The following ATL2 variants were observed in gnomAD, a reference collection of about 807,000 sequenced individuals.
ATL2 encodes the protein atlastin-2.
In ATL2, 31 loss-of-function variants were observed where a neutral mutation model predicts 73.9. The ratio of observed to expected loss-of-function variants is 0.42; its 90% CI spans 0.32 to 0.57. The LOEUF (loss-of-function observed/expected upper bound fraction) is 0.57. Among genes scored for constraint, ATL2 ranks in the 20% least tolerant of loss-of-function variants. The pLI is 0.14. For synonymous variants in ATL2, 291 were observed against 237.5 expected (o/e 1.23, Z -2.07); for missense variants, 738 against 702.6 (o/e 1.05, Z -0.57).
intron 9 of ATL2, among the ~76,000 whole-genome samples, chr2:38,300,930 T>C (rs768027284): frequency 2.0e-5 from 3 of 150,660 alleles, no homozygotes; most frequent in African/African-American, 4.9e-5. Flanking sequence ...AAGGAAAAGA[T>C]AAGAGTTTGT....
rs1020673335 is a variant in ATL2, at chr2:38,318,392, G to A, written c.603+143C>T. ...TACTCGGGTTAGGAGAATGAACCCAGGAGGCAGAGGTTGCAGTGAGCCGAG... is the reference window on the plus strand; with the variant it reads ...TACTCGGGTTAGGAGAATGAACCCAAGAGGCAGAGGTTGCAGTGAGCCGAG... On this transcript the variant is annotated intron_variant, in intron 4 of 12. Transcript: ENST00000378954. 11 of 496,402 alleles carry A rather than the reference G, an allele frequency of 2.2e-5. No homozygotes were observed. In the South Asian group the frequency reaches 2.7e-4, roughly 12 times the overall value. The allele number at this position is 496,402 out of a possible 1,614,324, so 30.7% of individuals were successfully genotyped here. A position where few individuals can be genotyped will look rare whatever the true frequency, so the allele number is the denominator to read the frequency against.
At chr2:38,328,743 A>G (rs76517298) in intron 2 of ATL2, among the ~76,000 whole-genome samples, 4 of 152,290 alleles carry the variant, frequency 2.6e-5, no homozygotes, top group African/African-American at 9.6e-5. Context: ...TCTAAAACCA[A>G]TACTCTAAGC....
chr2:38,320,428 G>A (rs566265468), intron 2 of ATL2, among the ~76,000 whole-genome samples: 52 of 152,246 alleles, frequency 3.4e-4, no homozygotes, highest in Non-Finnish European at 7.4e-4. Flanking sequence ...CCAGCAAAAT[G>A]TTGACAAATA....
At chr2:38,348,976 C>A (rs1670183764) in intron 1 of ATL2, among the ~76,000 whole-genome samples, 1 of 151,948 alleles carries the variant, frequency 6.6e-6, no homozygotes, top group Non-Finnish European at 1.5e-5. Flanking sequence ...CAATGAGATA[C>A]CATCTCACAC....
At chr2:38,299,160 A>C in intron 11 of ATL2, 96 bp downstream of exon 11, 26 of 1,157,526 alleles carry the variant, frequency 2.2e-5, no homozygotes, top group Admixed American at 3.6e-5. Flanking sequence ...AAGCTGCACA[A>C]ATTCGCTCAA....
In ATL2 at chr2:38,315,293, T is replaced by C. The variant is rs772718758; in HGVS notation, c.645A>G (p.Gln215=). ...LSQNIQEDDL[Q]HLQLFTEYGR... ...AAAAAGAAATACGTACTTGCAAATG[T>C]TGAAGATCATCTTCTTGAATATTCT... Residue 215 remains glutamine (Q), a synonymous_variant, in exon 5 of 13, where the codon CAA becomes CAG. Coordinates refer to ENST00000378954, the MANE Select transcript of ATL2 (RefSeq NM_001135673.4). 24 of 1,490,572 alleles carry C rather than the reference T, an allele frequency of 1.6e-5. No homozygotes were observed. Among genetic ancestry groups the C allele is most frequent in the African/African-American group, 5.9e-5 (4 of 67,532 alleles). The allele number at this position is 1,490,572 out of a possible 1,614,324, so 92.3% of individuals were successfully genotyped here. A position where few individuals can be genotyped will look rare whatever the true frequency, so the allele number is the denominator to read the frequency against.
intron 1 of ATL2, among the ~76,000 whole-genome samples, chr2:38,351,219 A>G (rs1020175208): frequency 3.3e-5 from 5 of 152,176 alleles, no homozygotes; most frequent in Admixed American, 3.3e-4. Flanking sequence ...CTCAACATTT[A>G]TATTTCATAC....
intron 2 of ATL2, among the ~76,000 whole-genome samples, chr2:38,343,064 C>G (rs980177241): frequency 7.3e-6 from 1 of 136,470 alleles, no homozygotes; most frequent in Non-Finnish European, 1.5e-5. Flanking sequence ...GGGAGGATTG[C>G]TTGAGATTGG....
chr2:38,368,286 CTT>C (rs1395163198), intron 1 of ATL2, among the ~76,000 whole-genome samples: 1 of 145,096 alleles, frequency 6.9e-6, no homozygotes, highest in Non-Finnish European at 1.5e-5. Flanking sequence ...GAGTTTCACT[CTT>C]GTTGCCCAGG....
At chr2:38,359,079 C>T (rs1030183332) in intron 1 of ATL2, among the ~76,000 whole-genome samples, 4 of 152,072 alleles carry the variant, frequency 2.6e-5, no homozygotes, top group East Asian at 1.9e-4. Context: ...CTCCAGGAAA[C>T]GACTTATTAA....
At chr2:38,334,894 A>G (rs1316019715) in intron 2 of ATL2, among the ~76,000 whole-genome samples, 1 of 115,710 alleles carries the variant, frequency 8.6e-6, no homozygotes, top group Non-Finnish European at 1.7e-5. Flanking sequence ...AATATATAAT[A>G]TATATTATTT....
At chr2:38,331,730 C>T (rs1669008451) in intron 2 of ATL2, among the ~76,000 whole-genome samples, 1 of 151,442 alleles carries the variant, frequency 6.6e-6, no homozygotes, top group Admixed American at 6.6e-5. Context: ...CAAGAGCATT[C>T]AATAGTGGAA....
intron 1 of ATL2, among the ~76,000 whole-genome samples, chr2:38,364,968 C>T (rs189489711): frequency 1.1e-4 from 17 of 151,780 alleles, no homozygotes; most frequent in African/African-American, 3.9e-4. Flanking sequence ...GGCGTGAACC[C>T]GGGAGGCGGA....
rs191403928 is a variant in ATL2 at position 38,355,831 on chromosome 2, T to C, written c.119-12319A>G. 2.0e-3 allele frequency among the ~76,000 whole-genome samples: 297 copies of C among 151,578 alleles called. 1 individual carries two copies. Among genetic ancestry groups the C allele is most frequent in the Non-Finnish European group, 3.3e-3 (226 of 67,824 alleles). On this transcript the variant is annotated intron_variant, in intron 1 of 12. Coordinates refer to ENST00000378954, the MANE Select transcript of ATL2 (RefSeq NM_001135673.4). ...TCTCCTGCCTCAGCCTCCTGAGTAGTTGGGATTACAGGCACGCACCACCAC... is the reference window on the plus strand; with the variant it reads ...TCTCCTGCCTCAGCCTCCTGAGTAGCTGGGATTACAGGCACGCACCACCAC...
chr2:38,336,270 C>T (rs535429420), intron 2 of ATL2, among the ~76,000 whole-genome samples: 1 of 152,116 alleles, frequency 6.6e-6, no homozygotes, highest in Non-Finnish European at 1.5e-5. Context: ...TGTAGCAGTG[C>T]GTATGATTCT....
intron 9 of ATL2, among the ~76,000 whole-genome samples, chr2:38,306,101 G>A (rs1220721868): frequency 1.3e-5 from 2 of 152,096 alleles, no homozygotes; most frequent in Non-Finnish European, 2.9e-5. Context: ...GATCATTAGA[G>A]GCTACCATGA....
rs531419325 is a variant in ATL2, at chr2:38,376,101, C to A, written c.118+1042G>T. On this transcript the variant is annotated intron_variant, in intron 1 of 12. Transcript: ENST00000378954. ...TCTGTATTTAATAATAAACTCTTAT[C>A]TTGGCCGTACTTACCAAATCGTAGG... 19 of 1,479,184 alleles carry A rather than the reference C, an allele frequency of 1.3e-5. No homozygotes were observed. In the African/African-American group the frequency reaches 2.0e-4, roughly 15 times the overall value. The allele number at this position is 1,479,184 out of a possible 1,614,324, so 91.6% of individuals were successfully genotyped here. A position where few individuals can be genotyped will look rare whatever the true frequency, so the allele number is the denominator to read the frequency against.
chr2:38,343,523 A>C lies in ATL2; in HGVS notation c.119-11T>G, dbSNP rs759170271. The C allele has an allele frequency of 1.3e-6, 2 of 1,598,740 alleles. No individual in the cohort carries two copies. Among genetic ancestry groups the C allele is most frequent in the South Asian group, 2.3e-5 (2 of 88,482 alleles). ...CTTCATAATTCTCACCTAGAATTTA[A>C]AAAGAAAGAAACTGGTTACTTTAAT... On this transcript the variant is annotated splice_polypyrimidine_tract_variant and intron_variant, in intron 1 of 12. Coordinates refer to ENST00000378954, the MANE Select transcript of ATL2 (RefSeq NM_001135673.4).
At chr2:38,334,692 C>G (rs2148467927) in intron 2 of ATL2, among the ~76,000 whole-genome samples, 1 of 150,986 alleles carries the variant, frequency 6.6e-6, no homozygotes, top group Admixed American at 6.7e-5. Context: ...GAACGAAACT[C>G]CGTCTCAAAC....
Sources: gnomAD v4.1 joint callset for allele counts (sites outside exome capture counted in the v4.1 genomes callset) on GRCh38, gnomAD v4.1.1 for gene constraint, MANE v1.5 for transcripts, NCBI Gene and HGNC (gene_info 2026-07-23, HGNC 2026-07-21) for gene names.